Variants in ABCA10 observed in about 807,000 individuals in gnomAD.
ABCA10 encodes ATP binding cassette subfamily A member 10.
Under a neutral mutation model 187.5 loss-of-function variants are expected in ABCA10, and 169 were observed. The ratio of observed to expected loss-of-function variants is 0.90; its 90% CI spans 0.80 to 1.02. ABCA10 has a LOEUF of 1.02. ABCA10 is among the 50% of genes least tolerant of loss of function. The pLI is 0.00. For synonymous variants in ABCA10, 574 were observed against 601.8 expected (o/e 0.95, Z 0.68); for missense variants, 1,727 against 1,812.4 (o/e 0.95, Z 0.86).
At chr17:69,211,625 G>A (rs190315448) in intron 9 of ABCA10, among the ~76,000 whole-genome samples, 2 of 151,080 alleles carry the variant, frequency 1.3e-5, no homozygotes, top group East Asian at 2.0e-4. Context: ...CTTTGGGGGC[G>A]GGGGGGAATA....
chr17:69,178,242 G>C (rs1336033603), intron 22 of ABCA10, among the ~76,000 whole-genome samples: 1 of 151,816 alleles, frequency 6.6e-6, no homozygotes, highest in East Asian at 1.9e-4. Context: ...TTTTAAAATA[G>C]TGGGAAAATG....
chr17:69,152,250 G>C (rs1269496707), intron 35 of ABCA10, 67 bp from the exon 36 acceptor site: 2 of 1,574,474 alleles, frequency 1.3e-6, no homozygotes, highest in African/African-American at 2.7e-5. Context: ...CACTGTAGAG[G>C]AAGGTGTTTA....
chr17:69,157,141 C>T (rs942035264), intron 27 of ABCA10, among the ~76,000 whole-genome samples: 2 of 152,026 alleles, frequency 1.3e-5, no homozygotes, highest in Non-Finnish European at 2.9e-5. Context: ...AAAAAGCCCA[C>T]ATTAATTTTT....
intron 19 of ABCA10, 37 bp downstream of exon 19, chr17:69,187,644 T>C (rs757125321): frequency 1.0e-5 from 16 of 1,578,320 alleles, no homozygotes; most frequent in Non-Finnish European, 1.3e-5. Context: ...TTTTTTCATA[T>C]ACTGACCAAA....
chr17:69,238,159 C>CAAAAAA (rs60735465), intron 1 of ABCA10, among the ~76,000 whole-genome samples: 1 of 135,570 alleles, frequency 7.4e-6, no homozygotes. Flanking sequence ...GAGACTCTGT[C>CAAAAAA]AAAAAAAAAA....
chr17:69,214,888 C>G (rs2074691761), intron 8 of ABCA10, 37 bp from the exon 9 acceptor site: 1 of 1,411,578 alleles, frequency 7.1e-7, no homozygotes, highest in African/African-American at 1.5e-5. Context: ...GTTAGATGAA[C>G]TTATAAAACT....
intron 9 of ABCA10, among the ~76,000 whole-genome samples, chr17:69,210,893 T>C (rs569694218): frequency 4.8e-5 from 7 of 146,464 alleles, no homozygotes; most frequent in South Asian, 2.1e-4. Flanking sequence ...CACTCATTGA[T>C]TGATGGGCAT....
intron 25 of ABCA10, among the ~76,000 whole-genome samples, chr17:69,169,798 T>C (rs1335934892): frequency 6.6e-6 from 1 of 152,200 alleles, no homozygotes. Context: ...TTCTTCCGTA[T>C]GTACAAGAAA....
chr17:69,164,262 T>C, intron 26 of ABCA10, 108 bp from the exon 27 acceptor site: 3 of 850,046 alleles, frequency 3.5e-6, no homozygotes, highest in Middle Eastern at 2.6e-4. Context: ...CAACAGTAAG[T>C]ATTCCATGAA....
chr17:69,152,189 T>G lies in ABCA10; in HGVS notation c.4257-6A>C. The G allele has an allele frequency of 6.3e-7, 1 of 1,596,312 alleles. No individual in the cohort carries two copies. Among genetic ancestry groups the G allele is most frequent in the Non-Finnish European group, 8.5e-7 (1 of 1,175,600 alleles). On this transcript the variant is annotated splice_region_variant and splice_polypyrimidine_tract_variant and intron_variant, in intron 35 of 38. Transcript: ENST00000690296. ...GTTGAATGGAACCAATACACCTAGT[T>G]CAGGGGAAATAAAGAAAAAATACTT...
intron 14 of ABCA10, 52 bp downstream of exon 14, chr17:69,193,441 G>T: frequency 6.4e-7 from 1 of 1,574,180 alleles, no homozygotes. Context: ...TTTAATAATA[G>T]TTGTATATCC....
chr17:69,154,263 G>C lies in ABCA10; in HGVS notation c.3758C>G (p.Thr1253Ser), dbSNP rs2074155691. The C allele has an allele frequency of 1.9e-6, 3 of 1,612,258 alleles. No individual in the cohort carries two copies. Among genetic ancestry groups the C allele is most frequent in the Non-Finnish European group, 1.7e-6 (2 of 1,179,444 alleles). Residue 1253 changes from threonine to serine, a missense_variant, in exon 31 of 39, where the codon ACT (threonine) becomes AGT (serine). Thr to Ser is a moderately conservative substitution (Grantham distance 58, BLOSUM62 1). Coordinates refer to ENST00000690296, the MANE Select transcript of ABCA10 (RefSeq NM_001377321.1). ...TCCTGCAGTTGGCTTTGTGCACCCA[G>C]TTATCATTTTAATGGAAGTACTTTT... ...AGKSTSIKMI[T>S]GCTKPTAGVV... is the part of the protein sequence containing the mutation.
chr17:69,206,078 A>C (rs753590183), intron 9 of ABCA10, among the ~76,000 whole-genome samples: 27 of 152,290 alleles, frequency 1.8e-4, no homozygotes, highest in South Asian at 4.2e-4. Flanking sequence ...TAGTAGACAG[A>C]ATTTGAGCAT....
At position 69,222,569 on chromosome 17, in the gene ABCA10, T is replaced by C. The variant is rs138123654; in HGVS notation, c.163A>G (p.Arg55Gly). Residue 55 changes from arginine (R) to glycine (G), a missense_variant, in exon 4 of 39, where the codon AGA becomes GGA. Arg to Gly is a moderately radical substitution (Grantham distance 125). Transcript: ENST00000690296. ...GAGTGCTCCTTTATAACTGGGATTCTATATCCCCAATTAAACTTCAGGCGA... is the reference window on the plus strand; with the variant it reads ...GAGTGCTCCTTTATAACTGGGATTCCATATCCCCAATTAAACTTCAGGCGA... ...SYRLKFNWGYRIPVIKEHSEY... is the reference protein window; with the variant it reads ...SYRLKFNWGYGIPVIKEHSEY... The C allele has an allele frequency of 6.3e-7, 1 of 1,594,360 alleles. No homozygotes were observed.
At position 69,167,177 on chromosome 17, in the gene ABCA10, C is replaced by G. The variant is rs551538968; in HGVS notation, c.3163-2094G>C. Among the ~76,000 whole-genome samples the G allele has an allele frequency of 2.0e-5, 3 of 152,286 alleles. No homozygotes were observed. In the South Asian group the frequency reaches 6.2e-4, roughly 32 times the overall value. On this transcript the variant is annotated intron_variant, in intron 25 of 38. Coordinates refer to ENST00000690296, the MANE Select transcript of ABCA10 (RefSeq NM_001377321.1). ...CTACTGGACAGCACCCTTGCTAACCCAGAACCATGTGAGTTCAACACTGAC... is the reference window on the plus strand; with the variant it reads ...CTACTGGACAGCACCCTTGCTAACCGAGAACCATGTGAGTTCAACACTGAC...
At position 69,184,916 on chromosome 17, in the gene ABCA10, T is replaced by TACACACAC. The variant is rs142309537; in HGVS notation, c.2497+553_2497+560dup. On this transcript the variant is annotated intron_variant, in intron 20 of 38. Coordinates refer to ENST00000690296, the MANE Select transcript of ABCA10 (RefSeq NM_001377321.1). ...ACATACATATATATAACTTTTTAAA[T>TACACACAC]ACACACACACACACACACACACACA... Among the ~76,000 whole-genome samples the TACACACAC allele has an allele frequency of 1.4e-3, 204 of 141,614 alleles. 1 individual carries two copies. Among genetic ancestry groups the TACACACAC allele is most frequent in the Middle Eastern group, 0.011 (3 of 280 alleles). 92.9% of individuals were successfully genotyped at this position (141,614 alleles called of 152,430 possible).
intron 21 of ABCA10, 75 bp from the exon 22 acceptor site, chr17:69,182,365 C>T: frequency 1.7e-6 from 2 of 1,179,128 alleles, no homozygotes; most frequent in Non-Finnish European, 2.2e-6. Flanking sequence ...TGTATATTAC[C>T]AGAGTGGAAT....
intron 27 of ABCA10, among the ~76,000 whole-genome samples, chr17:69,162,674 G>A (rs573226351): frequency 1.4e-4 from 22 of 152,084 alleles, no homozygotes; most frequent in Non-Finnish European, 2.5e-4. Flanking sequence ...TGTTCAGTTA[G>A]TAACGTAAAA....
At chr17:69,223,473 T>C (rs992774583) in intron 3 of ABCA10, among the ~76,000 whole-genome samples, 6 of 152,252 alleles carry the variant, frequency 3.9e-5, no homozygotes, top group African/African-American at 1.4e-4. Context: ...AATAGATCTA[T>C]TACTAACAGA....
Sources: allele counts gnomAD v4.1 joint callset (sites outside exome capture counted in the v4.1 genomes callset), GRCh38; gene constraint gnomAD v4.1.1; transcripts MANE v1.5; gene names NCBI Gene and HGNC (gene_info 2026-07-23, HGNC 2026-07-21).